The following SNX14 variants were observed in gnomAD, a reference collection of about 807,000 sequenced individuals.
The protein encoded by SNX14 is sorting nexin 14.
SNX14 carries 93 observed loss-of-function variants against 133.8 expected under a neutral mutation model. The ratio of observed to expected loss-of-function variants is 0.70; its 90% CI spans 0.59 to 0.83. The LOEUF (loss-of-function observed/expected upper bound fraction) is 0.83. Among genes scored for constraint, SNX14 ranks in the 40% least tolerant of loss-of-function variants. SNX14 has a pLI of 0.00. For missense variants in SNX14, 945 were observed against 1,094.9 expected (o/e 0.86, Z 1.93); for synonymous variants, 368 against 365.6 (o/e 1.01, Z -0.07).
intron 12 of SNX14, 34 bp from the exon 13 acceptor site, chr6:85,543,794 T>C (rs750345336): frequency 1.5e-6 from 2 of 1,295,456 alleles, no homozygotes; most frequent in Non-Finnish European, 2.1e-6. Flanking sequence ...GAAAAAATAA[T>C]TTTAATATAT....
chr6:85,505,707 A>T lies in SNX14; in HGVS notation c.*260T>A, dbSNP rs1303077293. The T allele has an allele frequency of 2.3e-6, 1 of 432,282 alleles. No individual in the cohort carries two copies. Among genetic ancestry groups the T allele is most frequent in the Non-Finnish European group, 4.1e-6 (1 of 245,518 alleles). The allele number at this position is 432,282 out of a possible 1,614,324, so 26.8% of individuals were successfully genotyped here. ...ATCTGTTTGCCATAACATCATTATG[A>T]ATTTTCTCTTTTAAAAATGGCAATA... On this transcript the variant is annotated 3_prime_UTR_variant, in exon 29 of 29. Coordinates refer to ENST00000314673, the MANE Select transcript of SNX14 (RefSeq NM_153816.6).
intron 18 of SNX14, among the ~76,000 whole-genome samples, chr6:85,531,480 T>A (rs1780290408): frequency 6.6e-6 from 1 of 152,204 alleles, no homozygotes; most frequent in Non-Finnish European, 1.5e-5. Context: ...AAAACAACAC[T>A]TCTTTCTATT....
rs563952774 is a variant in SNX14 at position 85,541,239 on chromosome 6, C to T, written c.1448+746G>A. Among the ~76,000 whole-genome samples, 7 of 152,250 alleles carry T rather than the reference C, an allele frequency of 4.6e-5. No individual in the cohort carries two copies. In the South Asian group the frequency reaches 6.2e-4, roughly 14 times the overall value. ...AACTCCTGACCTCAAGTGATCCCCA[C>T]GTCTCGGCCTCACAAAGTGCTGGGA... On this transcript the variant is annotated intron_variant, in intron 15 of 28. Coordinates refer to ENST00000314673, the MANE Select transcript of SNX14 (RefSeq NM_153816.6).
chr6:85,555,995 TA>T (rs1408980876), intron 7 of SNX14, among the ~76,000 whole-genome samples: 60 of 130,030 alleles, frequency 4.6e-4, no homozygotes, highest in East Asian at 8.7e-4. Flanking sequence ...TCTCAAAAAA[TA>T]AAAAAAAAAA....
At chr6:85,542,169 A>T in intron 14 of SNX14, 126 bp from the exon 15 acceptor site, 1 of 559,092 alleles carries the variant, frequency 1.8e-6, no homozygotes, top group Non-Finnish European at 3.0e-6. Flanking sequence ...GTGAATACAG[A>T]CATGGTCAAC....
chr6:85,517,344 T>G (rs896199587), intron 23 of SNX14, among the ~76,000 whole-genome samples: 2 of 152,214 alleles, frequency 1.3e-5, no homozygotes, highest in African/African-American at 2.4e-5. Context: ...TGCCTAGCAC[T>G]CAATCGTAGG....
At chr6:85,589,347 T>C (rs1013896293) in intron 1 of SNX14, 1 of 157,022 alleles carries the variant, frequency 6.4e-6, no homozygotes, top group African/African-American at 2.4e-5. Context: ...CAGCCCCCCA[T>C]GTAGCTGGGA....
intron 4 of SNX14, among the ~76,000 whole-genome samples, chr6:85,569,325 A>ACTCC (rs1794879727): frequency 6.6e-6 from 1 of 151,974 alleles, no homozygotes; most frequent in Non-Finnish European, 1.5e-5. Flanking sequence ...TTCCAAGCTC[A>ACTCC]CTCCCTTCCA....
chr6:85,530,269 T>C lies in SNX14; in HGVS notation c.1817A>G (p.His606Arg). ...VERNDRRAVG[H>R]EPEHWSVYRR... ...ATAGACAGACCAATGTTCAGGCTCG[T>C]GTCCAACTGTAAATTGAGTACACAC... The change falls in exon 19 of 29, where the codon CAC (histidine) becomes CGC (arginine). Residue 606 changes from histidine to arginine, a missense_variant. Transcript: ENST00000314673. 1 of 1,593,904 alleles carries C rather than the reference T, an allele frequency of 6.3e-7. No homozygotes were observed. The highest frequency in any genetic ancestry group is 8.6e-7 in the Non-Finnish European group (1 of 1,169,024).
At chr6:85,575,840 A>C (rs1797146839) in intron 1 of SNX14, among the ~76,000 whole-genome samples, 2 of 152,270 alleles carry the variant, frequency 1.3e-5, no homozygotes, top group Non-Finnish European at 2.9e-5. Flanking sequence ...AAGTTGATCC[A>C]AACTTAGGAG....
chr6:85,513,031 A>G (rs909355243), intron 26 of SNX14, among the ~76,000 whole-genome samples: 2 of 152,154 alleles, frequency 1.3e-5, no homozygotes, highest in African/African-American at 2.4e-5. Context: ...CATGGCTCCC[A>G]TATCTCTACT....
intron 5 of SNX14, among the ~76,000 whole-genome samples, chr6:85,565,668 C>T (rs370602288): frequency 7.2e-5 from 11 of 152,242 alleles, no homozygotes; most frequent in South Asian, 6.2e-4. Context: ...CAGACATACA[C>T]GACTACAGTC....
intron 21 of SNX14, among the ~76,000 whole-genome samples, chr6:85,519,449 C>T (rs752265440): frequency 6.6e-6 from 1 of 152,154 alleles, no homozygotes; most frequent in Non-Finnish European, 1.5e-5. Context: ...GGCAACAAAG[C>T]GAGATCCCAT....
Position 85,528,371 on chromosome 6 carries a change from A to G in SNX14, c.1895-9T>C, listed in dbSNP as rs900551409. 5.6e-6 allele frequency: 9 copies of G among 1,597,730 alleles called. No individual in the cohort carries two copies. In the African/African-American group the frequency reaches 1.2e-4, roughly 21 times the overall value. On this transcript the variant is annotated splice_polypyrimidine_tract_variant and intron_variant, in intron 19 of 28. Transcript: ENST00000314673. ...GGCATCAGGAAATGCACCTGAAATTAGTATATATTATAGTTATTACTGTGT... is the reference window on the plus strand; with the variant it reads ...GGCATCAGGAAATGCACCTGAAATTGGTATATATTATAGTTATTACTGTGT...
chr6:85,554,325 CAT>C (rs1788918474), intron 7 of SNX14, among the ~76,000 whole-genome samples: 4 of 151,682 alleles, frequency 2.6e-5, no homozygotes, highest in African/African-American at 9.7e-5. Context: ...TATACACACA[CAT>C]ATATATATTC....
rs1562298604 is a variant in SNX14, at chr6:85,548,287, AT to A, written c.867+13del. On this transcript the variant is annotated intron_variant, in intron 9 of 28. Transcript: ENST00000314673. Reference sequence around the variant, plus strand: ...GTAATTTGTAACAATTTAAAAAAAAATCTTAAGTCTTACTGGATCAGCTAGG... The same window carrying A: ...GTAATTTGTAACAATTTAAAAAAAAACTTAAGTCTTACTGGATCAGCTAGG... The A allele has an allele frequency of 6.3e-7, 1 of 1,580,740 alleles. No individual in the cohort carries two copies. Among genetic ancestry groups the A allele is most frequent in the Non-Finnish European group, 8.6e-7 (1 of 1,162,784 alleles).
intron 7 of SNX14, among the ~76,000 whole-genome samples, chr6:85,553,557 G>A (rs531836313): frequency 1.6e-4 from 24 of 152,258 alleles, no homozygotes; most frequent in African/African-American, 5.5e-4. Flanking sequence ...GGCCGAGGCG[G>A]ACGGATCATG....
At chr6:85,518,300 A>G (rs1249101888) in intron 21 of SNX14, among the ~76,000 whole-genome samples, 4 of 152,224 alleles carry the variant, frequency 2.6e-5, no homozygotes, top group African/African-American at 9.6e-5. Context: ...GGATGGAACA[A>G]GCCAAGGGTT....
intron 21 of SNX14, among the ~76,000 whole-genome samples, chr6:85,521,347 G>T (rs143651408): frequency 3.3e-5 from 5 of 151,984 alleles, no homozygotes; most frequent in Non-Finnish European, 5.9e-5. Flanking sequence ...TGATCCTCCC[G>T]CCTCAGCTTC....
Sources: gnomAD v4.1 joint callset for allele counts (sites outside exome capture counted in the v4.1 genomes callset) on GRCh38, gnomAD v4.1.1 for gene constraint, MANE v1.5 for transcripts, NCBI Gene and HGNC (gene_info 2026-07-23, HGNC 2026-07-21) for gene names.